Variants in SOX5 observed in about 807,000 individuals in gnomAD.
The protein encoded by SOX5 is SRY-box transcription factor 5, also known as transcription factor SOX-5.
In SOX5, 9 loss-of-function variants were observed where a neutral mutation model predicts 92.0. The ratio of observed to expected loss-of-function variants is 0.10; its 90% CI spans 0.06 to 0.17. SOX5 has a LOEUF of 0.17. Ranked by LOEUF, SOX5 falls within the 10% of genes least tolerant of loss-of-function variation. The pLI is 1.00. For synonymous variants in SOX5, 344 were observed against 336.3 expected (o/e 1.02, Z -0.25); for missense variants, 642 against 944.5 (o/e 0.68, Z 4.20).
intron 10 of SOX5, among the ~76,000 whole-genome samples, chr12:23,567,190 G>A (rs189971183): frequency 3.9e-4 from 59 of 152,304 alleles, no homozygotes; most frequent in African/African-American, 1.3e-3. Flanking sequence ...AAAGGCCAAA[G>A]AGACATATAA....
At chr12:23,935,544 A>T (rs1942352408) in intron 1 of SOX5, among the ~76,000 whole-genome samples, 1 of 151,180 alleles carries the variant, frequency 6.6e-6, no homozygotes, top group Non-Finnish European at 1.5e-5. Context: ...ACATAGTTAC[A>T]CTTCTCCCAG....
chr12:23,702,264 G>A (rs909275806), intron 6 of SOX5, among the ~76,000 whole-genome samples: 11 of 151,986 alleles, frequency 7.2e-5, no homozygotes, highest in Non-Finnish European at 1.5e-4. Flanking sequence ...GTTGACTCTT[G>A]CAGAAGTCAT....
At chr12:24,256,792 G>A (rs889361653) in intron 3 of SOX5, among the ~76,000 whole-genome samples, 1 of 152,104 alleles carries the variant, frequency 6.6e-6, no homozygotes, top group East Asian at 1.9e-4. Flanking sequence ...ATAAACCGAC[G>A]AAAACTGCCA....
At chr12:23,611,964 T>C (rs1302237665) in intron 8 of SOX5, among the ~76,000 whole-genome samples, 13 of 152,012 alleles carry the variant, frequency 8.6e-5, no homozygotes, top group Admixed American at 8.5e-4. Flanking sequence ...CTGAAATATG[T>C]CTTTCTTAAG....
chr12:23,716,362 C>T (rs1344772931), intron 6 of SOX5, among the ~76,000 whole-genome samples: 1 of 152,130 alleles, frequency 6.6e-6, no homozygotes, highest in Non-Finnish European at 1.5e-5. Context: ...CTTATAAACA[C>T]ATGTCTTATT....
intron 1 of SOX5, among the ~76,000 whole-genome samples, chr12:24,417,810 C>T (rs545544930): frequency 4.6e-5 from 7 of 152,256 alleles, no homozygotes; most frequent in Admixed American, 2.6e-4. Flanking sequence ...CCAGGACACT[C>T]TCTGACCTGG....
At chr12:24,244,050 A>T (rs1594744031) in intron 3 of SOX5, among the ~76,000 whole-genome samples, 1 of 18,118 alleles carries the variant, frequency 5.5e-5, no homozygotes, top group African/African-American at 1.4e-3. Flanking sequence ...CATATTGATA[A>T]AAAAAAAAAA....
chr12:24,467,642 C>T (rs1376195171), intron 1 of SOX5, among the ~76,000 whole-genome samples: 1 of 152,116 alleles, frequency 6.6e-6, no homozygotes, highest in Admixed American at 6.5e-5. Context: ...TCTCTTACAC[C>T]ACATAGGGGT....
At chr12:23,948,618 A>T in intron 1 of SOX5, among the ~76,000 whole-genome samples, 1 of 151,090 alleles carries the variant, frequency 6.6e-6, no homozygotes, top group Admixed American at 6.6e-5. Context: ...TTTTTAATTC[A>T]CCATACAGAA....
intron 2 of SOX5, among the ~76,000 whole-genome samples, chr12:23,849,627 A>G (rs961988943): frequency 1.3e-5 from 2 of 152,190 alleles, no homozygotes; most frequent in African/African-American, 4.8e-5. Flanking sequence ...TGTCTTTTTA[A>G]TAAGTATGAA....
intron 6 of SOX5, among the ~76,000 whole-genome samples, chr12:23,687,875 A>AT (rs2087908626): frequency 3.0e-5 from 1 of 33,660 alleles, no homozygotes; most frequent in African/African-American, 2.0e-4. Context: ...GTGCCAGTTC[A>AT]CTTTTTTTTT....
chr12:24,246,282 A>ATTTT (rs375919899), intron 3 of SOX5, among the ~76,000 whole-genome samples: 1 of 145,876 alleles, frequency 6.9e-6, no homozygotes, highest in African/African-American at 2.5e-5. Context: ...ACAGACACAG[A>ATTTT]TTTTTTTTTT....
intron 1 of SOX5, among the ~76,000 whole-genome samples, chr12:24,518,585 A>G (rs2955489): frequency 6.6e-6 from 1 of 152,150 alleles, no homozygotes; most frequent in African/African-American, 2.4e-5. Context: ...ACACTACTAG[A>G]TAACACCCAA....
intron 3 of SOX5, among the ~76,000 whole-genome samples, chr12:23,809,875 A>G (rs2095847622): frequency 6.6e-6 from 1 of 151,684 alleles, no homozygotes; most frequent in African/African-American, 2.4e-5. Flanking sequence ...TTAGAATGCC[A>G]CTAATGAAAT....
intron 3 of SOX5, among the ~76,000 whole-genome samples, chr12:23,836,048 C>T (rs1005719850): frequency 6.6e-6 from 1 of 151,712 alleles, no homozygotes; most frequent in Non-Finnish European, 1.5e-5. Flanking sequence ...ATAATATACA[C>T]TTAATACATG....
At chr12:23,609,265 C>T (rs2075664761) in intron 8 of SOX5, among the ~76,000 whole-genome samples, 1 of 152,060 alleles carries the variant, frequency 6.6e-6, no homozygotes, top group South Asian at 2.1e-4. Flanking sequence ...CTTATGGAAG[C>T]TTTTGAAACA....
At chr12:24,036,242 T>A (rs529160043) in intron 4 of SOX5, among the ~76,000 whole-genome samples, 1 of 152,204 alleles carries the variant, frequency 6.6e-6, no homozygotes, top group African/African-American at 2.4e-5. Context: ...TTAGTAGCAA[T>A]AACGACAGTT....
chr12:24,450,731 TCCACCCACCTTGG>T (rs761559089), intron 1 of SOX5, among the ~76,000 whole-genome samples: 153 of 152,292 alleles, frequency 1.0e-3, no homozygotes, highest in Non-Finnish European at 1.5e-3. Flanking sequence ...CGTCAAGTGA[TCCACCCACCTTGG>T]CCTCCCAAAG....
intron 3 of SOX5, among the ~76,000 whole-genome samples, chr12:24,220,226 A>T (rs1278652269): frequency 6.6e-6 from 1 of 152,128 alleles, no homozygotes; most frequent in Non-Finnish European, 1.5e-5. Flanking sequence ...CATCATTATC[A>T]TCAAGTAGAT....
Sources: gnomAD v4.1 joint callset for allele counts (sites outside exome capture counted in the v4.1 genomes callset) on GRCh38, gnomAD v4.1.1 for gene constraint, MANE v1.5 for transcripts, NCBI Gene and HGNC (gene_info 2026-07-23, HGNC 2026-07-21) for gene names.